SLCO3A1: variants seen among roughly 807,000 people sequenced by gnomAD.
The protein encoded by SLCO3A1 is PGE1 transporter.
A neutral mutation model predicts 63.1 loss-of-function variants in SLCO3A1; 27 were observed. The observed-to-expected ratio is 0.43, with a 90% CI of 0.32 to 0.59. The LOEUF (loss-of-function observed/expected upper bound fraction) is 0.59, where lower values mean the gene tolerates loss of function less well. Ranked by LOEUF, SLCO3A1 falls within the 20% of genes least tolerant of loss-of-function variation. The pLI is 0.09. For missense variants in SLCO3A1, 773 were observed against 945.8 expected, an observed-to-expected ratio of 0.82 and a Z score of 2.40; for synonymous variants, 473 against 409.9, an observed-to-expected ratio of 1.15 and a Z score of -1.86.
chr15:91,929,628 T>A (rs1427791430), intron 2 of SLCO3A1, among the ~76,000 whole-genome samples: 1 of 152,242 alleles, frequency 6.6e-6, no homozygotes, highest in African/African-American at 2.4e-5. Context: ...ATTCACATTG[T>A]TGTGCAACAG....
Position 91,854,064 on chromosome 15 carries a change from G to A in SLCO3A1, c.156G>A (p.Ala52=). 6.5e-7 allele frequency: 1 copy of A among 1,529,076 alleles called. No individual in the cohort carries two copies. The highest frequency in any genetic ancestry group is 8.8e-7 in the Non-Finnish European group (1 of 1,134,836). 94.7% of individuals were successfully genotyped at this position (1,529,076 alleles called of 1,614,324 possible). A position where few individuals can be genotyped will look rare whatever the true frequency, so the allele number is the denominator to read the frequency against. ...FLVSECALML[A]QGTVGAYLVS... ...TGTCCGAGTGCGCCCTGATGCTGGC[G>A]CAGGGCACGGTGGGCGCCTACCTGG... Residue 52 remains alanine (A), a synonymous_variant, in exon 1 of 10, where the codon GCG becomes GCA. Coordinates refer to ENST00000318445, the MANE Select transcript of SLCO3A1 (RefSeq NM_013272.4). The surrounding 1 kb of genome is among the most constrained non-coding windows in gnomAD (Gnocchi z 6.4).
chr15:91,895,734 A>G (rs1897986962), intron 1 of SLCO3A1, among the ~76,000 whole-genome samples: 1 of 152,244 alleles, frequency 6.6e-6, no homozygotes. Context: ...TTATTGCACC[A>G]AGCGTGCACT....
chr15:91,918,730 AACTTT>A (rs151234742), intron 2 of SLCO3A1, among the ~76,000 whole-genome samples: 13,013 of 152,288 alleles, frequency 0.085, 635 homozygotes, highest in Non-Finnish European at 0.099. Flanking sequence ...GAAGCCACTT[AACTTT>A]ACTTCACAGT....
chr15:92,163,058 A>C lies in SLCO3A1; in HGVS notation c.2056A>C (p.Asn686His). 8 of 1,572,848 alleles carry C rather than the reference A, an allele frequency of 5.1e-6. No homozygotes were observed. The highest frequency in any genetic ancestry group is 6.9e-6 in the Non-Finnish European group (8 of 1,160,862). Reference protein sequence around the residue: ...DNLGRDPVPANQTHRTKFIYN... With the variant: ...DNLGRDPVPAHQTHRTKFIYN... ...CCTGGGGAGGGACCCTGTGCCCGCA[A>C]ACCAGACACATAGGACAAAGTTTAT... The change falls in exon 10 of 10, where the codon AAC (asparagine) becomes CAC (histidine). Residue 686 changes from asparagine to histidine, a missense_variant. Around this residue, in one of 3 missense-constraint regions of SLCO3A1, gnomAD observed 139 missense variants for 131.4 expected, o/e 1.06. Transcript: ENST00000318445.
At chr15:92,141,818 A>C (rs951483451) in intron 7 of SLCO3A1, among the ~76,000 whole-genome samples, 1 of 152,210 alleles carries the variant, frequency 6.6e-6, no homozygotes, top group Non-Finnish European at 1.5e-5. Flanking sequence ...AACGTTGGAC[A>C]AATCTGGGCT....
At chr15:92,034,881 CTG>C (rs2046704684) in intron 2 of SLCO3A1, among the ~76,000 whole-genome samples, 1 of 151,958 alleles carries the variant, frequency 6.6e-6, no homozygotes, top group African/African-American at 2.4e-5. Context: ...ATAGCTCTAA[CTG>C]TCATTCGCTG....
At chr15:92,049,123 G>T (rs2046926237) in intron 2 of SLCO3A1, among the ~76,000 whole-genome samples, 1 of 152,200 alleles carries the variant, frequency 6.6e-6, no homozygotes, top group South Asian at 2.1e-4. Context: ...ACAAGGAAAA[G>T]ACACCCATTG....
At position 92,129,053 on chromosome 15, in the gene SLCO3A1, C is replaced by T. The variant is rs190835580; in HGVS notation, c.1512+564C>T. 1.5e-3 allele frequency among the ~76,000 whole-genome samples: 232 copies of T among 152,312 alleles called. 2 individuals carry two copies. The highest frequency in any genetic ancestry group is 5.1e-3 in the African/African-American group (214 of 41,566). ...TTGGCTGTCAGCCCACAGCTTTCCA[C>T]GCTCTCTCCCTGAAAACCTGATGCT... On this transcript the variant is annotated intron_variant, in intron 7 of 9. Coordinates refer to ENST00000318445, the MANE Select transcript of SLCO3A1 (RefSeq NM_013272.4).
At chr15:92,139,405 A>G (rs921149851) in intron 7 of SLCO3A1, among the ~76,000 whole-genome samples, 1 of 152,008 alleles carries the variant, frequency 6.6e-6, no homozygotes, top group African/African-American at 2.4e-5. Flanking sequence ...TTTTGGCATC[A>G]ATGTTCATCA....
chr15:91,958,041 T>C (rs759863587), intron 2 of SLCO3A1, among the ~76,000 whole-genome samples: 1 of 152,114 alleles, frequency 6.6e-6, no homozygotes, highest in Non-Finnish European at 1.5e-5. Flanking sequence ...TCAATAAATA[T>C]ATTGGAAAAA....
chr15:91,998,842 A>G (rs756404284), intron 2 of SLCO3A1, among the ~76,000 whole-genome samples: 1 of 152,248 alleles, frequency 6.6e-6, no homozygotes, highest in Admixed American at 6.5e-5. Flanking sequence ...ATGTACGTGT[A>G]TATTCATTGT....
chr15:91,980,314 A>G (rs1486504415), intron 2 of SLCO3A1, among the ~76,000 whole-genome samples: 1 of 152,016 alleles, frequency 6.6e-6, no homozygotes, highest in Admixed American at 6.6e-5. Context: ...GTGTAGAGGT[A>G]ACACAGGATA....
chr15:91,893,095 G>A (rs1897912845), intron 1 of SLCO3A1, among the ~76,000 whole-genome samples: 1 of 152,180 alleles, frequency 6.6e-6, no homozygotes, highest in Admixed American at 6.5e-5. Context: ...CTGCATTATG[G>A]GAAGATGCCT....
chr15:92,171,735 C>G (rs906416265), intron 10 of SLCO3A1: 1 of 1,348,306 alleles, frequency 7.4e-7, no homozygotes, highest in South Asian at 1.3e-5. Flanking sequence ...CAGAAAAGAC[C>G]GATCTCTTTT....
chr15:91,926,558 C>CGTGTGTGTGTGT (rs565234731), intron 2 of SLCO3A1, among the ~76,000 whole-genome samples: 3,710 of 125,922 alleles, frequency 0.029, 71 homozygotes, highest in Middle Eastern at 0.056. Flanking sequence ...CCTGCCAAGC[C>CGTGTGTGTGTGT]GTGTGTGTGT....
chr15:92,047,543 A>AT (rs1417559441), intron 2 of SLCO3A1, among the ~76,000 whole-genome samples: 20 of 11,362 alleles, frequency 1.8e-3, no homozygotes, highest in African/African-American at 5.8e-3. Flanking sequence ...AAATATATAT[A>AT]ATATATAAAT....
intron 2 of SLCO3A1, among the ~76,000 whole-genome samples, chr15:92,038,705 T>G (rs913453243): frequency 1.3e-5 from 2 of 152,178 alleles, no homozygotes; most frequent in East Asian, 3.9e-4. Context: ...GCAATGCTAT[T>G]CCCATCAAAC....
chr15:92,154,641 T>A (rs1056562953), intron 9 of SLCO3A1, among the ~76,000 whole-genome samples: 2 of 151,784 alleles, frequency 1.3e-5, no homozygotes, highest in Non-Finnish European at 2.9e-5. Context: ...TAGAAATGAA[T>A]GTGAGATCGG....
At chr15:91,877,533 G>A (rs1897430965) in intron 1 of SLCO3A1, among the ~76,000 whole-genome samples, 1 of 152,144 alleles carries the variant, frequency 6.6e-6, no homozygotes, top group Non-Finnish European at 1.5e-5. Flanking sequence ...GTGGTATGGT[G>A]GCCGAATGTA....
Sources: gnomAD v4.1 joint callset for allele counts (sites outside exome capture counted in the v4.1 genomes callset) on GRCh38, gnomAD v4.1.1 for gene constraint, gnomAD v4.1.1 regional missense constraint, Gnocchi (gnomAD v3.1) non-coding constraint, MANE v1.5 for transcripts, NCBI Gene and HGNC (gene_info 2026-07-23, HGNC 2026-07-21) for gene names.